Variants in TJP2 observed in about 807,000 individuals in gnomAD.
TJP2 encodes the protein tight junction protein 2, also known as Friedreich ataxia region gene X104 (tight junction protein ZO-2).
Under a neutral mutation model 133.1 loss-of-function variants are expected in TJP2, and 91 were observed. That is an observed-to-expected ratio of 0.68 (90% CI 0.58 to 0.81). TJP2 has a LOEUF of 0.81. Among genes scored for constraint, TJP2 ranks in the 40% least tolerant of loss-of-function variants. The pLI is 0.00. For missense variants in TJP2, 1,541 were observed against 1,565.6 expected (o/e 0.98, Z 0.26); for synonymous variants, 592 against 583.4 (o/e 1.01, Z -0.21).
intron 1 of TJP2, among the ~76,000 whole-genome samples, chr9:69,186,462 C>CT (rs1409294184): frequency 1.3e-5 from 2 of 152,326 alleles, no homozygotes; most frequent in African/African-American, 4.8e-5. Flanking sequence ...GTAAAGCTTG[C>CT]TTAGTAAATG....
chr9:69,136,911 G>A (rs963213632), intron 1 of TJP2, among the ~76,000 whole-genome samples: 1 of 152,140 alleles, frequency 6.6e-6, no homozygotes, highest in Admixed American at 6.5e-5. Context: ...AGAGGTTGGG[G>A]GTGTGGGACC....
intron 1 of TJP2, among the ~76,000 whole-genome samples, chr9:69,209,644 C>T (rs1202924840): frequency 6.6e-6 from 1 of 151,258 alleles, no homozygotes. Context: ...ATCCCAACTA[C>T]TCGGGAGGCT....
chr9:69,247,437 T>C (rs1347137151), intron 18 of TJP2, among the ~76,000 whole-genome samples: 1 of 152,230 alleles, frequency 6.6e-6, no homozygotes, highest in Non-Finnish European at 1.5e-5. Flanking sequence ...TGAGGTAGTT[T>C]TGTGAGACTT....
At chr9:69,140,684 A>G (rs1383728469) in intron 1 of TJP2, among the ~76,000 whole-genome samples, 1 of 152,180 alleles carries the variant, frequency 6.6e-6, no homozygotes, top group Non-Finnish European at 1.5e-5. Flanking sequence ...GCTCCTGCCA[A>G]GATTCTGAAT....
At chr9:69,140,522 A>G (rs7872016) in intron 1 of TJP2, among the ~76,000 whole-genome samples, 2,880 of 152,268 alleles carry the variant, frequency 0.019, 98 homozygotes, top group African/African-American at 0.065. Flanking sequence ...GCTGTCAGCC[A>G]ACTGCTGTAT....
At chr9:69,172,724 CTTTTTTTTGA>C (rs1201391502), upstream of TJP2, among the ~76,000 whole-genome samples, 1 of 151,448 alleles carries the variant, frequency 6.6e-6, no homozygotes, top group Non-Finnish European at 1.5e-5. Context: ...TTTTTTTTTC[CTTTTTTTTGA>C]TTAAAACAAT....
In TJP2 at chr9:69,143,837, A is replaced by G. The variant is rs144965314; in HGVS notation, c.-130-7814A>G. ...ATTTAAAGTCACCAAACTGTAATAT[A>G]CCCTGTCAGAGTTTTAAGTACACTC... is the stretch of plus-strand genomic sequence containing the variant. On this transcript the variant is annotated intron_variant, in intron 1 of 5. Coordinates refer to the TJP2 transcript ENST00000423935. 3.3e-3 allele frequency among the ~76,000 whole-genome samples: 503 copies of G among 152,244 alleles called. 4 individuals are homozygous for G. Among genetic ancestry groups the G allele is most frequent in the African/African-American group, 0.011 (465 of 41,520 alleles).
intron 9 of TJP2, 28 bp from the exon 10 acceptor site, chr9:69,229,156 A>AT: frequency 1.2e-6 from 2 of 1,607,470 alleles, no homozygotes; most frequent in Non-Finnish European, 8.5e-7. Context: ...GTCCAGATTG[A>AT]TAACAGTAGA....
chr9:69,221,221 A>T lies in TJP2; in HGVS notation c.677A>T (p.Asp226Val). ...GGCCGGAGCCTGGAGCGGGGCCTGG[A>T]CCACGACTTTGGGCCATCCCGGGAC... ...SRGRSLERGLDHDFGPSRDRD... is the reference protein window; with the variant it reads ...SRGRSLERGLVHDFGPSRDRD... The change falls in exon 5 of 23, where the codon GAC (aspartate) becomes GTC (valine). Residue 226 changes from aspartate to valine, a missense_variant. Physicochemically the swap from Asp to Val is radical, Grantham distance 152. Coordinates refer to ENST00000377245, the MANE Select transcript of TJP2 (RefSeq NM_004817.4). 6.2e-7 allele frequency: 1 copy of T among 1,605,370 alleles called. No individual in the cohort carries two copies. Among genetic ancestry groups the T allele is most frequent in the Non-Finnish European group, 8.5e-7 (1 of 1,176,240 alleles).
chr9:69,124,664 TAAG>T lies in TJP2; in HGVS notation c.-131+2944_-131+2946del, dbSNP rs1455231933. ...CAAGATTTGGCAGAACATTCTCTCT[TAAG>T]AAGACTCCTGCATTCACAGACTTTC... On this transcript the variant is annotated intron_variant, in intron 1 of 5. Coordinates refer to the TJP2 transcript ENST00000423935. Among the ~76,000 whole-genome samples, 2 of 77,722 alleles carry T rather than the reference TAAG, an allele frequency of 2.6e-5. 1 individual carries two copies. Among genetic ancestry groups the T allele is most frequent in the Non-Finnish European group, 5.9e-5 (2 of 33,614 alleles). 51.0% of individuals were successfully genotyped at this position (77,722 alleles called of 152,430 possible).
chr9:69,145,716 A>C (rs544312594), intron 1 of TJP2: 2 of 1,231,926 alleles, frequency 1.6e-6, no homozygotes, highest in South Asian at 8.2e-5. Flanking sequence ...GAGGTACAAG[A>C]AATATATCGG....
intron 1 of TJP2, among the ~76,000 whole-genome samples, chr9:69,148,467 C>T (rs972443661): frequency 6.6e-6 from 1 of 150,782 alleles, no homozygotes; most frequent in African/African-American, 2.4e-5. Context: ...CTCTGCCTTC[C>T]GGGTTGAAGC....
At chr9:69,196,946 TACAC>T (rs746386691) in intron 1 of TJP2, among the ~76,000 whole-genome samples, 2,730 of 134,144 alleles carry the variant, frequency 0.02, 37 homozygotes, top group Middle Eastern at 0.031. Context: ...TGTGTGTGTG[TACAC>T]ACACACACAC....
intron 5 of TJP2, 29 bp from the exon 6 acceptor site, chr9:69,225,275 A>G: frequency 7.1e-7 from 1 of 1,405,958 alleles, no homozygotes; most frequent in Non-Finnish European, 1.0e-6. Context: ...TTGATAACAT[A>G]CGTGTATGTT....
At position 69,230,173 on chromosome 9, in the gene TJP2, A is replaced by T. The variant is rs1829663624; in HGVS notation, c.1612A>T (p.Ile538Phe). Residue 538 changes from isoleucine (I) to phenylalanine (F), a missense_variant, in exon 11 of 23, where the codon ATT becomes TTT. Physicochemically the swap from Ile to Phe is conservative, Grantham distance 21. Transcript: ENST00000377245. ...GNDVGIFVAG[I>F]QEGTSAEQEG... ...TGATGTCGGGATATTTGTTGCTGGC[A>T]TTCAAGAAGGGACCTCGGCGGAGCA... 6.2e-7 allele frequency: 1 copy of T among 1,614,192 alleles called. No homozygotes were observed. The highest frequency in any genetic ancestry group is 8.5e-7 in the Non-Finnish European group (1 of 1,180,030).
chr9:69,148,496 T>A (rs566234703), intron 1 of TJP2, among the ~76,000 whole-genome samples: 1 of 149,552 alleles, frequency 6.7e-6, no homozygotes. Flanking sequence ...TGTCTCCACC[T>A]CCCAAGTAGC....
At chr9:69,219,264 C>CG (rs761462091) in intron 4 of TJP2, among the ~76,000 whole-genome samples, 26 of 152,190 alleles carry the variant, frequency 1.7e-4, no homozygotes, top group Non-Finnish European at 3.1e-4. Flanking sequence ...CCACCTCACC[C>CG]GGCCACATAT....
intron 2 of TJP2, among the ~76,000 whole-genome samples, chr9:69,166,259 T>TACC (rs1326782144): frequency 6.6e-6 from 1 of 152,098 alleles, no homozygotes; most frequent in African/African-American, 2.4e-5. Flanking sequence ...TACAGGTGTG[T>TACC]ACCACCAGGC....
intron 1 of TJP2, among the ~76,000 whole-genome samples, chr9:69,132,819 G>T (rs1482411336): frequency 6.6e-6 from 1 of 152,158 alleles, no homozygotes; most frequent in Non-Finnish European, 1.5e-5. Flanking sequence ...GGCTTAGTGG[G>T]AGTTCAGAAG....
Sources: allele counts gnomAD v4.1 joint callset (sites outside exome capture counted in the v4.1 genomes callset), GRCh38; gene constraint gnomAD v4.1.1; transcripts MANE v1.5; gene names NCBI Gene and HGNC (gene_info 2026-07-23, HGNC 2026-07-21).